The following TMBIM4 variants were observed in gnomAD, a reference collection of about 807,000 sequenced individuals.
The protein encoded by TMBIM4 is transmembrane BAX inhibitor motif containing 4, also known as protein lifeguard 4.
Under a neutral mutation model 27.7 loss-of-function variants are expected in TMBIM4, and 28 were observed. The ratio of observed to expected loss-of-function variants is 1.01; its 90% CI spans 0.75 to 1.38. The LOEUF (loss-of-function observed/expected upper bound fraction) is 1.38, where lower values mean the gene tolerates loss of function less well. Among genes scored for constraint, TMBIM4 ranks in the 40% most tolerant of loss-of-function variants. The probability of loss-of-function intolerance (pLI) is 0.00; values close to 1 mark genes in which losing one functional copy is unlikely to be tolerated. For missense variants in TMBIM4, 265 were observed against 277.5 expected, an observed-to-expected ratio of 0.95 and a Z score of 0.32; for synonymous variants, 115 against 113.1, an observed-to-expected ratio of 1.02 and a Z score of -0.11.
chr12:66,162,118 G>A (rs1470321225), intron 1 of TMBIM4, among the ~76,000 whole-genome samples: 2 of 151,188 alleles, frequency 1.3e-5, no homozygotes, highest in African/African-American at 2.4e-5. Flanking sequence ...TGTATGGCAT[G>A]CCATTCCCAC....
At chr12:66,149,908 A>T (rs2051817667) in intron 3 of TMBIM4, among the ~76,000 whole-genome samples, 2 of 151,840 alleles carry the variant, frequency 1.3e-5, no homozygotes. Flanking sequence ...ACACACTCCT[A>T]CTAGGGCAAG....
At chr12:66,140,031 G>A (rs1223928204) in intron 5 of TMBIM4, among the ~76,000 whole-genome samples, 2 of 152,124 alleles carry the variant, frequency 1.3e-5, no homozygotes, top group African/African-American at 4.8e-5. Context: ...GGAGAACAAT[G>A]CCAAATATAT....
At position 66,137,919 on chromosome 12, in the gene TMBIM4, A is replaced by ATTTTTT; in HGVS notation, c.*35_*40dup. The ATTTTTT allele has an allele frequency of 1.3e-6, 2 of 1,556,386 alleles. No individual in the cohort carries two copies. Among genetic ancestry groups the ATTTTTT allele is most frequent in the Non-Finnish European group, 1.8e-6 (2 of 1,135,554 alleles). On this transcript the variant is annotated 3_prime_UTR_variant, in exon 7 of 7. Coordinates refer to ENST00000358230, the MANE Select transcript of TMBIM4 (RefSeq NM_016056.4). The stretch of plus-strand genomic sequence containing the variant: ...TACTTTAATCCTTTTTTCTCATTAA[A>ATTTTTT]TTTTTTTTGTTGTTCTTCAGTTGAG...
chr12:66,138,069 T>A lies in TMBIM4; in HGVS notation c.608A>T (p.His203Leu). ...FIIYDTHSLM[H>L]KLSPEEYVLA... ...TACGTACTCTTCAGGTGACAGTTTA[T>A]GCATCAGTGAGTGTGTGTCATAGAT... Residue 203 changes from histidine (H) to leucine (L), a missense_variant, in exon 7 of 7, where the codon CAT (histidine) becomes CTT (leucine). By Grantham distance (99) the His-to-Leu change is moderately conservative (BLOSUM62 -3). Coordinates refer to ENST00000358230, the MANE Select transcript of TMBIM4 (RefSeq NM_016056.4). The A allele has an allele frequency of 6.2e-7, 1 of 1,614,100 alleles. No homozygotes were observed. Among genetic ancestry groups the A allele is most frequent in the South Asian group, 1.1e-5 (1 of 91,084 alleles).
chr12:66,136,070 TTAAAAAA>T lies in TMBIM4; in HGVS notation c.*1883_*1889del. 3 of 1,528 alleles carry T rather than the reference TTAAAAAA, an allele frequency of 2.0e-3. 1 individual carries two copies. In the South Asian group the frequency reaches 0.043, roughly 22 times the overall value. 0.1% of individuals were successfully genotyped at this position (1,528 alleles called of 1,614,324 possible). A position where few individuals can be genotyped will look rare whatever the true frequency, so the allele number is the denominator to read the frequency against. On this transcript the variant is annotated 3_prime_UTR_variant, in exon 7 of 7. Transcript: ENST00000358230. Reference sequence around the variant, plus strand: ...CAAGAATTATCAATAAAAAAATAAATTAAAAAAAAAAAAAAAAAAAAAAAAAGAAAAT... The same window carrying T: ...CAAGAATTATCAATAAAAAAATAAATAAAAAAAAAAAAAAAAAAAGAAAAT...
intron 4 of TMBIM4, 142 bp downstream of exon 4, chr12:66,147,766 T>G (rs910733410): frequency 3.5e-6 from 2 of 574,192 alleles, no homozygotes; most frequent in African/African-American, 3.9e-5. Flanking sequence ...TGCTTATACT[T>G]TAGAAATTAT....
At chr12:66,167,484 C>G (rs7307195) in intron 1 of TMBIM4, among the ~76,000 whole-genome samples, 2 of 152,148 alleles carry the variant, frequency 1.3e-5, no homozygotes, top group Non-Finnish European at 2.9e-5. Flanking sequence ...ATGCCCCACA[C>G]GCATACTTTT....
At chr12:66,141,777 A>G (rs1335594900) in intron 5 of TMBIM4, among the ~76,000 whole-genome samples, 1 of 152,198 alleles carries the variant, frequency 6.6e-6, no homozygotes, top group African/African-American at 2.4e-5. Flanking sequence ...GTTCACCAAG[A>G]GTACGTAACA....
chr12:66,169,804 C>A, intron 1 of TMBIM4, 51 bp downstream of exon 1: 4 of 1,390,022 alleles, frequency 2.9e-6, no homozygotes, highest in Non-Finnish European at 3.8e-6. Context: ...CTTCTAGAGG[C>A]CGAGCAGTGC....
rs1448510925 is a variant in TMBIM4, at chr12:66,145,950, A to G, written c.355T>C (p.Tyr119His). The G allele has an allele frequency of 1.3e-6, 2 of 1,517,706 alleles. No individual in the cohort carries two copies. The highest frequency in any genetic ancestry group is 1.8e-6 in the Non-Finnish European group (2 of 1,102,642). The allele number at this position is 1,517,706 out of a possible 1,614,324, so 94.0% of individuals were successfully genotyped here. A position where few individuals can be genotyped will look rare whatever the true frequency, so the allele number is the denominator to read the frequency against. ...ALTVAVVVTF[Y>H]DVYIILQAFI... ...GCTTGCAGAATAATATATACATCAT[A>G]GAAAGTAACTGTAAAATTAAAACAC... Residue 119 changes from tyrosine to histidine, a missense_variant, in exon 5 of 7, where the codon TAT becomes CAT. Coordinates refer to ENST00000358230, the MANE Select transcript of TMBIM4 (RefSeq NM_016056.4).
At chr12:66,146,825 GA>G (rs1478344955) in intron 4 of TMBIM4, among the ~76,000 whole-genome samples, 1 of 152,124 alleles carries the variant, frequency 6.6e-6, no homozygotes, top group Admixed American at 6.6e-5. Flanking sequence ...TTAGGAAGGT[GA>G]ACATGGAAAA....
At chr12:66,152,662 T>A (rs1001597678) in intron 2 of TMBIM4, among the ~76,000 whole-genome samples, 1 of 152,044 alleles carries the variant, frequency 6.6e-6, no homozygotes, top group African/African-American at 2.4e-5. Flanking sequence ...GCAATTAGTA[T>A]ACTAATATTA....
chr12:66,138,594 T>C (rs2136841339), intron 6 of TMBIM4, 130 bp downstream of exon 6: 1 of 635,292 alleles, frequency 1.6e-6, no homozygotes, highest in South Asian at 3.1e-5. Context: ...ATAATCATTC[T>C]ATATACAAAT....
At chr12:66,155,724 A>G (rs1231245003) in intron 1 of TMBIM4, among the ~76,000 whole-genome samples, 2 of 152,196 alleles carry the variant, frequency 1.3e-5, no homozygotes, top group African/African-American at 2.4e-5. Flanking sequence ...AGCAGTGGAA[A>G]TTAGTGTTAT....
intron 1 of TMBIM4, chr12:66,169,157 G>C: frequency 1.5e-6 from 1 of 648,180 alleles, no homozygotes; most frequent in Non-Finnish European, 2.8e-6. Context: ...GAAAGTCTGG[G>C]GCTGTTTCGG....
At chr12:66,148,221 T>TATATTAAATATAGAACA (rs1363212332) in intron 3 of TMBIM4, among the ~76,000 whole-genome samples, 1 of 152,218 alleles carries the variant, frequency 6.6e-6, no homozygotes, top group Non-Finnish European at 1.5e-5. Flanking sequence ...ACATTCTGTT[T>TATATTAAATATAGAACA]TTCTTACTGT....
intron 1 of TMBIM4, among the ~76,000 whole-genome samples, chr12:66,163,271 C>G (rs1428051466): frequency 1.3e-5 from 2 of 152,146 alleles, no homozygotes. Flanking sequence ...TCATGCACTC[C>G]TATTTCTTGC....
chr12:66,165,681 G>C (rs549663469), intron 1 of TMBIM4, among the ~76,000 whole-genome samples: 5 of 152,006 alleles, frequency 3.3e-5, no homozygotes, highest in Non-Finnish European at 7.4e-5. Context: ...TGTATATTTT[G>C]GATAACAGTC....
At chr12:66,140,242 G>A (rs1468587131) in intron 5 of TMBIM4, among the ~76,000 whole-genome samples, 1 of 152,070 alleles carries the variant, frequency 6.6e-6, no homozygotes, top group Non-Finnish European at 1.5e-5. Context: ...ATACTCCCTA[G>A]TTCAAGATCG....
Sources: gnomAD v4.1 joint callset for allele counts (sites outside exome capture counted in the v4.1 genomes callset) on GRCh38, gnomAD v4.1.1 for gene constraint, MANE v1.5 for transcripts, NCBI Gene and HGNC (gene_info 2026-07-23, HGNC 2026-07-21) for gene names.